Variants in NTN1 observed in about 807,000 individuals in gnomAD.
NTN1 encodes the protein netrin-1.
In NTN1, 11 loss-of-function variants were observed where a neutral mutation model predicts 54.2. That is an observed-to-expected ratio of 0.20 (90% CI 0.13 to 0.34). The LOEUF is 0.34. NTN1 is among the 10% of genes least tolerant of loss of function. The probability of loss-of-function intolerance (pLI) is 1.00; values close to 1 mark genes in which losing one functional copy is unlikely to be tolerated. For synonymous variants in NTN1, 371 were observed against 382.0 expected (o/e 0.97, Z 0.33); for missense variants, 740 against 893.1 (o/e 0.83, Z 2.18).
Position 9,239,675 on chromosome 17 carries a change from G to C in NTN1, c.1522G>C (p.Gly508Arg). The C allele has an allele frequency of 6.2e-7, 1 of 1,612,768 alleles. No homozygotes were observed. Among genetic ancestry groups the C allele is most frequent in the African/African-American group, 1.3e-5 (1 of 75,050 alleles). The change falls in exon 7 of 7, where the codon GGG becomes CGG. Residue 508 changes from glycine (G) to arginine (R), a missense_variant. By Grantham distance (125) the Gly-to-Arg change is moderately radical (BLOSUM62 -2). Transcript: ENST00000173229. This position sits in a 1 kb window ranked among gnomAD's most constrained non-coding sequence, Gnocchi z 5.2. The part of the protein sequence containing the change: ...QIHILKADKA[G>R]DWWKFTVNII... Reference sequence around the variant, plus strand: ...CCACATCCTGAAGGCGGACAAGGCGGGGGACTGGTGGAAGTTCACGGTGAA... The same window carrying C: ...CCACATCCTGAAGGCGGACAAGGCGCGGGACTGGTGGAAGTTCACGGTGAA...
In NTN1 at chr17:9,084,645, GTTTTTTTT is replaced by G. The variant is rs35003160; in HGVS notation, c.1018+61271_1018+61278del. ...TTCAGCTTTGGCTTTGTTCTTTGCAGTTTTTTTTTTTTTTTTTTTTTTTTGAGATGGAG... is the reference window on the plus strand; with the variant it reads ...TTCAGCTTTGGCTTTGTTCTTTGCAGTTTTTTTTTTTTTTTTGAGATGGAG... On this transcript the variant is annotated intron_variant, in intron 2 of 6. Coordinates refer to ENST00000173229, the MANE Select transcript of NTN1 (RefSeq NM_004822.3). Among the ~76,000 whole-genome samples, 6 of 83,318 alleles carry G rather than the reference GTTTTTTTT, an allele frequency of 7.2e-5. No individual in the cohort carries two copies. The Admixed American group carries it at 7.5e-4, about 10-fold the overall frequency. 54.7% of individuals were successfully genotyped at this position (83,318 alleles called of 152,430 possible). A position where few individuals can be genotyped will look rare whatever the true frequency, so the allele number is the denominator to read the frequency against.
At chr17:9,170,512 G>A (rs1435909941) in intron 3 of NTN1, among the ~76,000 whole-genome samples, 1 of 152,162 alleles carries the variant, frequency 6.6e-6, no homozygotes. Context: ...CCACAGGACT[G>A]GGCAGGGCCC....
chr17:9,187,900 T>C (rs2092438663), intron 5 of NTN1, among the ~76,000 whole-genome samples: 1 of 152,136 alleles, frequency 6.6e-6, no homozygotes, highest in Non-Finnish European at 1.5e-5. Context: ...TCATGCTGAT[T>C]GAAAGAAGCC....
At chr17:9,059,294 C>G (rs1162648921) in intron 2 of NTN1, among the ~76,000 whole-genome samples, 1 of 152,156 alleles carries the variant, frequency 6.6e-6, no homozygotes, top group Non-Finnish European at 1.5e-5. Flanking sequence ...CCAGCAATGC[C>G]TCTCCTAGGT....
rs535701209 is a variant in NTN1 at position 9,122,280 on chromosome 17, C to T, written c.1019-40533C>T. On this transcript the variant is annotated intron_variant, in intron 2 of 6. Coordinates refer to ENST00000173229, the MANE Select transcript of NTN1 (RefSeq NM_004822.3). ...CGATCTCCTGACCTCATGATCCGCC[C>T]GCCTCGGCCTCCCAAAGTGCTGGGA... 4.5e-4 allele frequency among the ~76,000 whole-genome samples: 68 copies of T among 152,216 alleles called. 1 individual carries two copies. Among genetic ancestry groups the T allele is most frequent in the African/African-American group, 1.5e-3 (64 of 41,540 alleles).
In NTN1 at chr17:9,190,853, A is replaced by G. The variant is rs539415668; in HGVS notation, c.1411+7884A>G. 8.2e-5 allele frequency among the ~76,000 whole-genome samples: 12 copies of G among 146,770 alleles called. No individual in the cohort carries two copies. In the South Asian group the frequency reaches 1.3e-3, roughly 16 times the overall value. On this transcript the variant is annotated intron_variant, in intron 5 of 6. Coordinates refer to ENST00000173229, the MANE Select transcript of NTN1 (RefSeq NM_004822.3). ...GGCAACAGAGCAGGACTGTGTCTGG[A>G]AAAAAAAAAAATCTAGAAACATACT...
At chr17:9,127,942 C>T (rs960370956) in intron 2 of NTN1, among the ~76,000 whole-genome samples, 6 of 151,480 alleles carry the variant, frequency 4.0e-5, no homozygotes, top group Non-Finnish European at 5.9e-5. Context: ...CATGGTGAAA[C>T]CCCGTCTCTA....
intron 2 of NTN1, among the ~76,000 whole-genome samples, chr17:9,137,742 C>T (rs987822774): frequency 2.6e-5 from 4 of 151,628 alleles, no homozygotes; most frequent in South Asian, 2.1e-4. Context: ...TTCAGTGAGC[C>T]GAGATCGCGC....
intron 5 of NTN1, among the ~76,000 whole-genome samples, chr17:9,199,262 C>T (rs2142335116): frequency 6.6e-6 from 1 of 152,360 alleles, no homozygotes; most frequent in East Asian, 1.9e-4. Flanking sequence ...CCTGCCTCAG[C>T]CTCCCAAGTA....
chr17:9,137,016 G>A (rs868496661), intron 2 of NTN1, among the ~76,000 whole-genome samples: 5 of 152,172 alleles, frequency 3.3e-5, no homozygotes, highest in African/African-American at 1.2e-4. Flanking sequence ...TCCTGGTGGT[G>A]TTCTCAATTT....
chr17:9,046,440 G>T (rs1034708848), intron 2 of NTN1, among the ~76,000 whole-genome samples: 10 of 152,198 alleles, frequency 6.6e-5, no homozygotes, highest in Non-Finnish European at 1.3e-4. Context: ...ATGTACTGCT[G>T]GTGGGAATGT....
Position 9,135,719 on chromosome 17 carries a change from TG to T in NTN1, c.1019-27092del, listed in dbSNP as rs2092278875. On this transcript the variant is annotated intron_variant, in intron 2 of 6. Transcript: ENST00000173229. This position sits in a 1 kb window ranked among gnomAD's most constrained non-coding sequence, Gnocchi z 4.4. ...TCCAGGTTGAGGTTCTAGGGCTCCC[TG>T]GAGTAGGCCTGGTGGGGCACTTGTC... Among the ~76,000 whole-genome samples, 1 of 152,222 alleles carries T rather than the reference TG, an allele frequency of 6.6e-6. No individual in the cohort carries two copies. The highest frequency in any genetic ancestry group is 2.4e-5 in the African/African-American group (1 of 41,462).
chr17:9,066,060 C>T (rs1014061247), intron 2 of NTN1, among the ~76,000 whole-genome samples: 1 of 152,092 alleles, frequency 6.6e-6, no homozygotes, highest in African/African-American at 2.4e-5. Context: ...ATTAATAAGA[C>T]ATTAAAAATA....
intron 2 of NTN1, among the ~76,000 whole-genome samples, chr17:9,030,055 G>T (rs1484765698): frequency 6.6e-6 from 1 of 152,148 alleles, no homozygotes; most frequent in East Asian, 1.9e-4. Flanking sequence ...GCCTTGGCTA[G>T]GTGTGTATTC....
chr17:9,234,510 C>T (rs1905916109), intron 6 of NTN1, among the ~76,000 whole-genome samples: 1 of 152,346 alleles, frequency 6.6e-6, no homozygotes. Flanking sequence ...TAGGCACCCG[C>T]CTCCTCCCCA....
chr17:9,218,992 T>G (rs940721749), intron 5 of NTN1, among the ~76,000 whole-genome samples: 1 of 151,794 alleles, frequency 6.6e-6, no homozygotes, highest in African/African-American at 2.4e-5. Flanking sequence ...CAACTTGCAT[T>G]CCAATTCGCT....
At chr17:9,092,114 T>G (rs1385736295) in intron 2 of NTN1, among the ~76,000 whole-genome samples, 1 of 151,828 alleles carries the variant, frequency 6.6e-6, no homozygotes, top group African/African-American at 2.4e-5. Context: ...GGTCTCAAAC[T>G]CCCGACCTCA....
chr17:9,046,329 A>G (rs1243192784), intron 2 of NTN1, among the ~76,000 whole-genome samples: 1 of 152,214 alleles, frequency 6.6e-6, no homozygotes, highest in Non-Finnish European at 1.5e-5. Flanking sequence ...CTATAAATCA[A>G]AACCACAATG....
intron 5 of NTN1, among the ~76,000 whole-genome samples, chr17:9,215,949 C>T (rs1905208468): frequency 6.6e-6 from 1 of 152,130 alleles, no homozygotes; most frequent in Non-Finnish European, 1.5e-5. Flanking sequence ...ATCTTTGCTG[C>T]TTTCAAAGTG....
Sources: gnomAD v4.1 joint callset for allele counts (sites outside exome capture counted in the v4.1 genomes callset) on GRCh38, gnomAD v4.1.1 for gene constraint, Gnocchi (gnomAD v3.1) non-coding constraint, MANE v1.5 for transcripts, NCBI Gene and HGNC (gene_info 2026-07-23, HGNC 2026-07-21) for gene names.